The following GRIK1 variants were observed in gnomAD, a reference collection of about 807,000 sequenced individuals.
GRIK1 encodes the protein glutamate receptor ionotropic, kainate 1.
A neutral mutation model predicts 105.7 loss-of-function variants in GRIK1; 69 were observed. The ratio of observed to expected loss-of-function variants is 0.65; its 90% CI spans 0.54 to 0.80. The LOEUF (loss-of-function observed/expected upper bound fraction) is 0.80. Ranked by LOEUF, GRIK1 falls within the 30% of genes least tolerant of loss-of-function variation. The pLI, the probability that GRIK1 is intolerant of heterozygous loss-of-function variation, is 0.00. For synonymous variants in GRIK1, 438 were observed against 431.3 expected, an observed-to-expected ratio of 1.02 and a Z score of -0.19; for missense variants, 1,109 against 1,167.3, an observed-to-expected ratio of 0.95 and a Z score of 0.73.
At chr21:29,670,515 A>G (rs1026644778) in intron 4 of GRIK1, among the ~76,000 whole-genome samples, 1 of 152,260 alleles carries the variant, frequency 6.6e-6, no homozygotes, top group Non-Finnish European at 1.5e-5. Context: ...GAGAAAATCT[A>G]GCAGCCCTTC....
intron 4 of GRIK1, among the ~76,000 whole-genome samples, chr21:29,657,075 G>A (rs952225346): frequency 1.3e-5 from 2 of 152,166 alleles, no homozygotes; most frequent in Non-Finnish European, 2.9e-5. Context: ...CGAGCATAAA[G>A]AGCTGGCCTG....
intron 7 of GRIK1, among the ~76,000 whole-genome samples, chr21:29,621,294 G>A (rs1023029360): frequency 6.6e-6 from 1 of 152,084 alleles, no homozygotes. Flanking sequence ...GAACTGGTAG[G>A]AATTTTCAGT....
At position 29,743,495 on chromosome 21, in the gene GRIK1, A is replaced by G. The variant is rs1412025998; in HGVS notation, c.119-49432T>C. Among the ~76,000 whole-genome samples the G allele has an allele frequency of 3.9e-5, 6 of 152,228 alleles. No homozygotes were observed. In the East Asian group the frequency reaches 1.2e-3, roughly 30 times the overall value. On this transcript the variant is annotated intron_variant, in intron 1 of 17. Coordinates refer to ENST00000327783, the MANE Select transcript of GRIK1 (RefSeq NM_001330994.2). ...TGGATCACCTGAGGTTAGGAGTTCG[A>G]GACTAGCCTGGCCAACATAGTGAAA...
intron 3 of GRIK1, among the ~76,000 whole-genome samples, chr21:29,681,540 C>T (rs1453065793): frequency 2.0e-5 from 3 of 152,208 alleles, no homozygotes; most frequent in African/African-American, 4.8e-5. Flanking sequence ...TTCCTCAGCT[C>T]CTTGCAGCCT....
chr21:29,754,547 C>T (rs1362090305), intron 1 of GRIK1, among the ~76,000 whole-genome samples: 1 of 152,158 alleles, frequency 6.6e-6, no homozygotes, highest in Non-Finnish European at 1.5e-5. Context: ...CCTGGGATTT[C>T]TGTGAGGAAT....
At chr21:29,771,868 C>T (rs1049009656) in intron 1 of GRIK1, among the ~76,000 whole-genome samples, 3 of 152,202 alleles carry the variant, frequency 2.0e-5, no homozygotes, top group Non-Finnish European at 4.4e-5. Context: ...ATCACTATGC[C>T]CGCCCCCTAG....
At chr21:29,829,124 G>C (rs1362106562) in intron 1 of GRIK1, among the ~76,000 whole-genome samples, 1 of 152,100 alleles carries the variant, frequency 6.6e-6, no homozygotes, top group Non-Finnish European at 1.5e-5. Context: ...CTCCACAGCT[G>C]TGTTTACATT....
chr21:29,889,287 C>A (rs2069802211), intron 1 of GRIK1, among the ~76,000 whole-genome samples: 1 of 151,958 alleles, frequency 6.6e-6, no homozygotes, highest in African/African-American at 2.4e-5. Flanking sequence ...TATTTATACA[C>A]ATTTTTAACA....
At chr21:29,790,137 C>T (rs969712737) in intron 1 of GRIK1, among the ~76,000 whole-genome samples, 20 of 152,120 alleles carry the variant, frequency 1.3e-4, no homozygotes, top group Admixed American at 1.2e-3. Context: ...TCGAACTCCA[C>T]CTCCCAGGTT....
intron 16 of GRIK1, among the ~76,000 whole-genome samples, chr21:29,547,880 T>C (rs895507621): frequency 1.3e-5 from 2 of 152,194 alleles, no homozygotes; most frequent in African/African-American, 4.8e-5. Flanking sequence ...TCTGATAATA[T>C]GCCAAGGAAC....
chr21:29,779,133 CT>C (rs1421612154), intron 1 of GRIK1, among the ~76,000 whole-genome samples: 1 of 152,190 alleles, frequency 6.6e-6, no homozygotes, highest in East Asian at 1.9e-4. Context: ...CAGAAATGTT[CT>C]GTTTTTCTAA....
chr21:29,639,373 C>T (rs2062462961), intron 7 of GRIK1, among the ~76,000 whole-genome samples: 1 of 152,078 alleles, frequency 6.6e-6, no homozygotes, highest in East Asian at 1.9e-4. Context: ...AATAGCATAC[C>T]CACAGTTGTA....
rs149585128 is a variant in GRIK1 at position 29,666,216 on chromosome 21, C to A, written c.726+6767G>T. Among the ~76,000 whole-genome samples, 488 of 152,230 alleles carry A rather than the reference C, an allele frequency of 3.2e-3. 4 individuals carry two copies. Among genetic ancestry groups the A allele is most frequent in the African/African-American group, 0.011 (467 of 41,554 alleles). On this transcript the variant is annotated intron_variant, in intron 4 of 17. Transcript: ENST00000327783. The stretch of plus-strand genomic sequence containing the variant: ...GTCGGGAGTTTGAGACCAGCCTGAC[C>A]AACATAGAGAAACCCCATCTCTACT...
At chr21:29,803,966 A>C (rs77604417) in intron 1 of GRIK1, among the ~76,000 whole-genome samples, 2,433 of 152,228 alleles carry the variant, frequency 0.016, 34 homozygotes, top group Non-Finnish European at 0.022. Flanking sequence ...AAAAGAGCTG[A>C]CTGTAGCTAT....
chr21:29,893,155 A>G (rs927441344), intron 1 of GRIK1, among the ~76,000 whole-genome samples: 18 of 152,228 alleles, frequency 1.2e-4, no homozygotes, highest in African/African-American at 4.1e-4. Flanking sequence ...TAGGAAATTG[A>G]GACTTTAAGA....
intron 10 of GRIK1, among the ~76,000 whole-genome samples, chr21:29,589,893 C>T (rs897533845): frequency 1.3e-5 from 2 of 152,154 alleles, no homozygotes; most frequent in African/African-American, 4.8e-5. Flanking sequence ...TTCAGGGTAG[C>T]CTATTCCAAA....
chr21:29,813,493 TTTC>T (rs2067067475), intron 1 of GRIK1, among the ~76,000 whole-genome samples: 1 of 152,118 alleles, frequency 6.6e-6, no homozygotes, highest in Non-Finnish European at 1.5e-5. Flanking sequence ...ACTTGTGTGT[TTTC>T]TTAAGAAACC....
chr21:29,874,673 A>G (rs2069131051), intron 1 of GRIK1, among the ~76,000 whole-genome samples: 1 of 152,186 alleles, frequency 6.6e-6, no homozygotes, highest in Admixed American at 6.5e-5. Context: ...GGTGGGAGAG[A>G]ATAGAGTATG....
At position 29,571,354 on chromosome 21, in the gene GRIK1, T is replaced by TA. The variant is rs978532987; in HGVS notation, c.2130+5609dup. Among the ~76,000 whole-genome samples, 601 of 144,164 alleles carry TA rather than the reference T, an allele frequency of 4.2e-3. 7 individuals carry two copies. Among genetic ancestry groups the TA allele is most frequent in the African/African-American group, 0.014 (534 of 39,280 alleles). The allele number at this position is 144,164 out of a possible 152,430, so 94.6% of individuals were successfully genotyped here. ...CCTGGGCGACAGAGCAAGACTCCAT[T>TA]AAAAAAAAAAGAAAAAAAAAATTCC... On this transcript the variant is annotated intron_variant, in intron 14 of 17. Transcript: ENST00000327783.
Sources: allele counts gnomAD v4.1 joint callset (sites outside exome capture counted in the v4.1 genomes callset), GRCh38; gene constraint gnomAD v4.1.1; transcripts MANE v1.5; gene names NCBI Gene and HGNC (gene_info 2026-07-23, HGNC 2026-07-21).